The following TRPS1 variants were observed in gnomAD, a reference collection of about 807,000 sequenced individuals.
TRPS1 encodes the protein transcriptional repressor GATA binding 1, also known as zinc finger transcription factor Trps1.
TRPS1 carries 6 observed loss-of-function variants against 101.2 expected under a neutral mutation model. That is an observed-to-expected ratio of 0.06 (90% CI 0.03 to 0.12). The LOEUF (loss-of-function observed/expected upper bound fraction) is 0.12. Among genes scored for constraint, TRPS1 ranks in the 10% least tolerant of loss-of-function variants. TRPS1 has a pLI of 1.00. For synonymous variants in TRPS1, 578 were observed against 589.8 expected (o/e 0.98, Z 0.29); for missense variants, 1,363 against 1,567.0 (o/e 0.87, Z 2.20).
chr8:115,454,229 C>T (rs951969041), intron 5 of TRPS1, among the ~76,000 whole-genome samples: 1 of 152,082 alleles, frequency 6.6e-6, no homozygotes, highest in Admixed American at 6.6e-5. Flanking sequence ...TATTCAATAC[C>T]GTATTTTGAG....
intron 5 of TRPS1, among the ~76,000 whole-genome samples, chr8:115,540,006 T>C (rs1342329757): frequency 6.6e-6 from 1 of 152,246 alleles, no homozygotes; most frequent in Admixed American, 6.5e-5. Flanking sequence ...GAGAGTTGCA[T>C]ATGTTTGGCA....
chr8:115,481,033 T>C (rs1814739203), intron 5 of TRPS1, among the ~76,000 whole-genome samples: 1 of 152,148 alleles, frequency 6.6e-6, no homozygotes, highest in Non-Finnish European at 1.5e-5. Context: ...AGGTTGCATT[T>C]ATATTTTAGA....
intron 5 of TRPS1, among the ~76,000 whole-genome samples, chr8:115,458,174 C>T (rs897566827): frequency 6.6e-6 from 1 of 151,968 alleles, no homozygotes; most frequent in African/African-American, 2.4e-5. Flanking sequence ...CCGAGGGATA[C>T]GATTTGGTAG....
chr8:115,623,612 T>C lies in TRPS1; in HGVS notation c.26A>G (p.Tyr9Cys), dbSNP rs767293790. The change falls in exon 2 of 7, where the codon TAT (tyrosine) becomes TGT (cysteine). Residue 9 changes from tyrosine (Y) to cysteine (C), a missense_variant. Transcript: ENST00000395715. ...AATAGATCACATACTTGTAAAATCA[T>C]ACCCAGCATTGACTTCATAAGGCAT... MPYEVNAG[Y>C]DFTNMVRKKN... 1.2e-6 allele frequency: 2 copies of C among 1,611,634 alleles called. No homozygotes were observed. The highest frequency in any genetic ancestry group is 2.2e-5 in the South Asian group (2 of 90,918).
At chr8:115,638,390 G>A (rs1236688034) in intron 1 of TRPS1, among the ~76,000 whole-genome samples, 5 of 152,200 alleles carry the variant, frequency 3.3e-5, no homozygotes, top group South Asian at 2.1e-4. Flanking sequence ...TGGAGAGCCC[G>A]AAGACATGAG....
intron 5 of TRPS1, chr8:115,492,207 G>T (rs919435721): frequency 4.4e-6 from 2 of 456,192 alleles, no homozygotes; most frequent in South Asian, 3.1e-5. Flanking sequence ...AATCAGAGGG[G>T]TGACAGTGCT....
chr8:115,505,089 T>G (rs889690020), intron 5 of TRPS1, among the ~76,000 whole-genome samples: 3 of 152,118 alleles, frequency 2.0e-5, no homozygotes, highest in African/African-American at 7.2e-5. Context: ...GACAGCCCTT[T>G]CCAAGACATC....
intron 1 of TRPS1, among the ~76,000 whole-genome samples, chr8:115,635,289 A>ATT (rs58560471): frequency 6.6e-6 from 1 of 151,792 alleles, no homozygotes; most frequent in African/African-American, 2.4e-5. Context: ...TGATATGAGA[A>ATT]TTTTTTTTTC....
chr8:115,587,102 G>C lies in TRPS1; in HGVS notation c.2599C>G (p.Gln867Glu). 1 of 1,614,098 alleles carries C rather than the reference G, an allele frequency of 6.2e-7. No individual in the cohort carries two copies. The highest frequency in any genetic ancestry group is 8.5e-7 in the Non-Finnish European group (1 of 1,180,020). The change falls in exon 5 of 7, where the codon CAG becomes GAG. Residue 867 changes from glutamine (Q) to glutamate (E), a missense_variant. This residue lies in a region of TRPS1 where 1,020 missense variants were observed against 1,073.0 expected (regional missense o/e 0.95). Transcript: ENST00000395715. Reference sequence around the variant, plus strand: ...TTCTCTCCGCCAGCTGGCGCCCCCTGCAGGAATCCCTTGGTTTCCACAGCC... The same window carrying C: ...TTCTCTCCGCCAGCTGGCGCCCCCTCCAGGAATCCCTTGGTTTCCACAGCC... ...GLAVETKGFL[Q>E]GAPAGGEKSG...
At chr8:115,420,006 G>A (rs2129776709) in intron 5 of TRPS1, among the ~76,000 whole-genome samples, 1 of 152,268 alleles carries the variant, frequency 6.6e-6, no homozygotes, top group Non-Finnish European at 1.5e-5. Flanking sequence ...AAGATTGGGG[G>A]AATGTTTTTA....
intron 5 of TRPS1, among the ~76,000 whole-genome samples, chr8:115,456,177 T>C (rs1814019007): frequency 6.6e-6 from 1 of 152,172 alleles, no homozygotes; most frequent in South Asian, 2.1e-4. Flanking sequence ...ATTGCAGTTT[T>C]TTTCTATTAG....
At chr8:115,580,205 T>C (rs553945797) in intron 5 of TRPS1, among the ~76,000 whole-genome samples, 26 of 147,452 alleles carry the variant, frequency 1.8e-4, no homozygotes, top group Admixed American at 1.3e-3. Context: ...AAGGAAAGTT[T>C]TGAACAGTAT....
rs115837658 is a variant in TRPS1 at position 115,602,088 on chromosome 8, A to G, written c.2096+1785T>C. 2.9e-3 allele frequency among the ~76,000 whole-genome samples: 435 copies of G among 152,240 alleles called. 2 individuals carry two copies. Among genetic ancestry groups the G allele is most frequent in the African/African-American group, 9.6e-3 (397 of 41,548 alleles). On this transcript the variant is annotated intron_variant, in intron 4 of 6. Transcript: ENST00000395715. Reference sequence around the variant, plus strand: ...CTCAAGCAATGCCTCAGCTGCATCAATAGAAAAACCACTTGTCCAACTGAG... The same window carrying G: ...CTCAAGCAATGCCTCAGCTGCATCAGTAGAAAAACCACTTGTCCAACTGAG...
chr8:115,472,937 T>C (rs1449197430), intron 5 of TRPS1, among the ~76,000 whole-genome samples: 1 of 152,220 alleles, frequency 6.6e-6, no homozygotes, highest in Non-Finnish European at 1.5e-5. Context: ...CTGGACTTCA[T>C]TGTCCATATC....
chr8:115,667,803 T>G, intron 1 of TRPS1: 1 of 1,527,626 alleles, frequency 6.5e-7, no homozygotes, highest in South Asian at 1.2e-5. Context: ...TGTGCTGTTT[T>G]CCCACTTTGG....
At chr8:115,543,797 TC>T (rs1265465824) in intron 5 of TRPS1, among the ~76,000 whole-genome samples, 1 of 152,084 alleles carries the variant, frequency 6.6e-6, no homozygotes, top group Non-Finnish European at 1.5e-5. Flanking sequence ...AGTTTATAGA[TC>T]AATTACCTAT....
chr8:115,544,131 C>A (rs1350495286), intron 5 of TRPS1, among the ~76,000 whole-genome samples: 1 of 148,154 alleles, frequency 6.7e-6, no homozygotes, highest in East Asian at 2.0e-4. Flanking sequence ...GTGAACACAA[C>A]AATGGAAAGG....
At position 115,587,377 on chromosome 8, in the gene TRPS1, T is replaced by C; in HGVS notation, c.2324A>G (p.Glu775Gly). 10 of 1,614,170 alleles carry C rather than the reference T, an allele frequency of 6.2e-6. No homozygotes were observed. Among genetic ancestry groups the C allele is most frequent in the Non-Finnish European group, 6.8e-6 (8 of 1,180,010 alleles). ...CAGCTTCTCTCTCTTCACCACACTC[T>C]CAGAAACTGGCTCTCCCATTTTAGA... Reference protein sequence around the residue: ...PDSKMGEPVSESVVKREKLEE... With the variant: ...PDSKMGEPVSGSVVKREKLEE... Residue 775 changes from glutamate (E) to glycine (G), a missense_variant, in exon 5 of 7, where the codon GAG (glutamate) becomes GGG (glycine). Coordinates refer to ENST00000395715, the MANE Select transcript of TRPS1 (RefSeq NM_014112.5).
At position 115,470,130 on chromosome 8, in the gene TRPS1, T is replaced by G. The variant is rs540871915; in HGVS notation, c.2701-51678A>C. Among the ~76,000 whole-genome samples the G allele has an allele frequency of 3.3e-5, 5 of 152,356 alleles. No homozygotes were observed. In the East Asian group the frequency reaches 7.7e-4, roughly 24 times the overall value. ...GAACTTCCTAAGCACTTCTCTTTGA[T>G]GCATTTGCCTTTTTTATTGTTTTAG... is the stretch of plus-strand genomic sequence containing the variant. On this transcript the variant is annotated intron_variant, in intron 5 of 6. Transcript: ENST00000395715.
Sources: gnomAD v4.1 joint callset for allele counts (sites outside exome capture counted in the v4.1 genomes callset) on GRCh38, gnomAD v4.1.1 for gene constraint, gnomAD v4.1.1 regional missense constraint, MANE v1.5 for transcripts, NCBI Gene and HGNC (gene_info 2026-07-23, HGNC 2026-07-21) for gene names.